The following CDH1 variants were observed in gnomAD, a reference collection of about 807,000 sequenced individuals.
CDH1 encodes the protein cadherin-1.
In CDH1, 35 loss-of-function variants were observed where a neutral mutation model predicts 84.5. The ratio of observed to expected loss-of-function variants is 0.41; its 90% confidence interval spans 0.32 to 0.55. The LOEUF (loss-of-function observed/expected upper bound fraction) is 0.55. CDH1 is among the 20% of genes least tolerant of loss of function. The pLI, the probability that CDH1 is intolerant of heterozygous loss-of-function variation, is 0.19. For missense variants in CDH1, 994 were observed against 1,126.6 expected, an observed-to-expected ratio of 0.88 and a Z score of 1.68; for synonymous variants, 417 against 439.0, an observed-to-expected ratio of 0.95 and a Z score of 0.63.
intron 11 of CDH1, among the ~76,000 whole-genome samples, chr16:68,821,122 A>G (rs946641238): frequency 2.6e-5 from 4 of 152,012 alleles, no homozygotes; most frequent in Non-Finnish European, 2.9e-5. Flanking sequence ...CTGGGTACCA[A>G]TTTTTCCTAC....
intron 2 of CDH1, among the ~76,000 whole-genome samples, chr16:68,801,147 T>C (rs542894121): frequency 1.3e-5 from 2 of 152,356 alleles, no homozygotes; most frequent in South Asian, 4.1e-4. Flanking sequence ...AGTCTCGCTC[T>C]GTTGCCCAGG....
rs531689556 is a variant in CDH1, at chr16:68,754,391, G to A, written c.163+15980G>A. On this transcript the variant is annotated intron_variant, in intron 2 of 15. Transcript: ENST00000261769. ...TGCCTCCCTGCACTCCAGCCTGGGCGACAGAGTGAGACACTGTCTCAAGAA... is the reference window on the plus strand; with the variant it reads ...TGCCTCCCTGCACTCCAGCCTGGGCAACAGAGTGAGACACTGTCTCAAGAA... Among the ~76,000 whole-genome samples, 11 of 152,262 alleles carry A rather than the reference G, an allele frequency of 7.2e-5. 1 individual carries two copies. The highest frequency in any genetic ancestry group is 2.4e-4 in the African/African-American group (10 of 41,566).
chr16:68,757,952 C>T (rs1211184941), intron 2 of CDH1, among the ~76,000 whole-genome samples: 1 of 147,902 alleles, frequency 6.8e-6, no homozygotes, highest in African/African-American at 2.5e-5. Context: ...GTGCATGCCA[C>T]CACTCCAGGC....
chr16:68,817,514 A>G (rs527900269), intron 10 of CDH1, among the ~76,000 whole-genome samples: 1 of 152,336 alleles, frequency 6.6e-6, no homozygotes, highest in South Asian at 2.1e-4. Flanking sequence ...TCATGCAGTG[A>G]AAAAAGGCAC....
intron 14 of CDH1, 145 bp from the exon 15 acceptor site, chr16:68,829,509 C>A: frequency 2.3e-6 from 2 of 855,088 alleles, no homozygotes; most frequent in Non-Finnish European, 3.8e-6. Context: ...AGCTTGAAAA[C>A]TGTCATTTTG....
intron 3 of CDH1, among the ~76,000 whole-genome samples, chr16:68,803,205 A>G (rs1422818775): frequency 6.6e-6 from 1 of 152,102 alleles, no homozygotes; most frequent in East Asian, 1.9e-4. Flanking sequence ...CTTGGAACTT[A>G]ATGGTCCTCC....
intron 2 of CDH1, among the ~76,000 whole-genome samples, chr16:68,768,325 TA>T (rs1223129794): frequency 6.6e-6 from 1 of 152,230 alleles, no homozygotes; most frequent in Non-Finnish European, 1.5e-5. Context: ...AGATCCCTGC[TA>T]AAAGCAGACC....
At chr16:68,819,697 C>G (rs1356637268) in intron 11 of CDH1, among the ~76,000 whole-genome samples, 1 of 152,136 alleles carries the variant, frequency 6.6e-6, no homozygotes, top group Non-Finnish European at 1.5e-5. Flanking sequence ...CCTCCCACCC[C>G]TTGGACCCTT....
chr16:68,818,619 C>G (rs1191446939), intron 10 of CDH1, among the ~76,000 whole-genome samples: 1 of 148,414 alleles, frequency 6.7e-6, no homozygotes, highest in Non-Finnish European at 1.5e-5. Flanking sequence ...GAGGCCGAGA[C>G]GTGCGGATCA....
intron 2 of CDH1, among the ~76,000 whole-genome samples, chr16:68,785,017 A>G (rs1472451437): frequency 1.3e-5 from 2 of 151,800 alleles, no homozygotes; most frequent in African/African-American, 4.8e-5. Context: ...TCACATGGAC[A>G]CCATTGAAAA....
intron 12 of CDH1, chr16:68,823,180 C>G (rs1178936712): frequency 9.4e-6 from 5 of 530,842 alleles, no homozygotes; most frequent in Non-Finnish European, 1.7e-5. Flanking sequence ...CTTTTTTAAA[C>G]CAACTCTAGA....
At chr16:68,747,428 A>G (rs2152116799) in intron 2 of CDH1, among the ~76,000 whole-genome samples, 1 of 152,220 alleles carries the variant, frequency 6.6e-6, no homozygotes, top group East Asian at 1.9e-4. Flanking sequence ...TTCATAGGCA[A>G]ATTATTCACC....
intron 14 of CDH1, 120 bp downstream of exon 14, chr16:68,828,424 C>G: frequency 2.0e-6 from 2 of 982,170 alleles, no homozygotes; most frequent in South Asian, 2.7e-5. Flanking sequence ...CTTTTTAAGG[C>G]CTTACCCAAG....
intron 2 of CDH1, among the ~76,000 whole-genome samples, chr16:68,774,820 T>G (rs1959682931): frequency 6.6e-6 from 1 of 152,160 alleles, no homozygotes; most frequent in Non-Finnish European, 1.5e-5. Context: ...TTGGTGTGGT[T>G]GTTGTCAGTC....
chr16:68,784,887 G>A (rs1042572025), intron 2 of CDH1, among the ~76,000 whole-genome samples: 10 of 151,650 alleles, frequency 6.6e-5, no homozygotes, highest in Non-Finnish European at 1.0e-4. Flanking sequence ...AGGGTGAGGC[G>A]GGAGCAGGCC....
At chr16:68,757,695 T>TA (rs1240510639) in intron 2 of CDH1, among the ~76,000 whole-genome samples, 2 of 152,196 alleles carry the variant, frequency 1.3e-5, no homozygotes, top group Admixed American at 6.5e-5. Context: ...ACTGGACCCT[T>TA]ACTTTTCCTG....
At chr16:68,811,983 C>A in intron 7 of CDH1, 124 bp downstream of exon 7, 1 of 1,432,858 alleles carries the variant, frequency 7.0e-7, no homozygotes, top group Non-Finnish European at 9.7e-7. Context: ...AGCTTTGCAT[C>A]TAAGCTTGTG....
At position 68,813,309 on chromosome 16, in the gene CDH1, G is replaced by T. The variant is rs2152133288; in HGVS notation, c.1138-4G>T. 6.2e-7 allele frequency: 1 copy of T among 1,614,062 alleles called. No homozygotes were observed. Among genetic ancestry groups the T allele is most frequent in the South Asian group, 1.1e-5 (1 of 91,080 alleles). On this transcript the variant is annotated splice_region_variant and splice_polypyrimidine_tract_variant and intron_variant, in intron 8 of 15. Coordinates refer to ENST00000261769, the MANE Select transcript of CDH1 (RefSeq NM_004360.5). ...TGTAAATGACACATCTCTTTGCTCT[G>T]CAGTACAAGGGTCAGGTGCCTGAGA...
intron 2 of CDH1, among the ~76,000 whole-genome samples, chr16:68,773,937 G>A (rs575098862): frequency 3.3e-5 from 5 of 152,190 alleles, no homozygotes; most frequent in Non-Finnish European, 7.3e-5. Flanking sequence ...TTATTTTTAA[G>A]ACAGGGCCAC....
Sources: allele counts gnomAD v4.1 joint callset (sites outside exome capture counted in the v4.1 genomes callset), GRCh38; gene constraint gnomAD v4.1.1; transcripts MANE v1.5; gene names NCBI Gene and HGNC (gene_info 2026-07-23, HGNC 2026-07-21).